CCDC7: variants seen among roughly 807,000 people sequenced by gnomAD.
CCDC7 encodes the protein coiled-coil domain containing 7, also known as coiled-coil domain-containing protein 7.
A neutral mutation model predicts 196.9 loss-of-function variants in CCDC7; 183 were observed. The observed-to-expected ratio is 0.93, with a 90% confidence interval of 0.82 to 1.05. The LOEUF (loss-of-function observed/expected upper bound fraction) is 1.05, where lower values mean the gene tolerates loss of function less well. CCDC7 is among the 50% of genes least tolerant of loss of function. The probability of loss-of-function intolerance (pLI) is 0.00; values close to 1 mark genes in which losing one functional copy is unlikely to be tolerated. For synonymous variants in CCDC7, 525 were observed against 484.6 expected, an observed-to-expected ratio of 1.08 and a Z score of -1.10; for missense variants, 1,540 against 1,482.2, an observed-to-expected ratio of 1.04 and a Z score of -0.64.
At chr10:32,556,342 A>G (rs2054339988) in intron 13 of CCDC7, among the ~76,000 whole-genome samples, 1 of 152,188 alleles carries the variant, frequency 6.6e-6, no homozygotes, top group African/African-American at 2.4e-5. Flanking sequence ...TATCTCATGT[A>G]AAGTTTGAGT....
intron 16 of CCDC7, among the ~76,000 whole-genome samples, chr10:32,578,480 A>G (rs2058438426): frequency 6.6e-6 from 1 of 151,520 alleles, no homozygotes; most frequent in Non-Finnish European, 1.5e-5. Flanking sequence ...GTTTTCCTGC[A>G]ACTAGATGGT....
intron 28 of CCDC7, among the ~76,000 whole-genome samples, chr10:32,755,524 C>A (rs2076286395): frequency 6.6e-6 from 1 of 152,150 alleles, no homozygotes; most frequent in African/African-American, 2.4e-5. Flanking sequence ...TCCAACAGAC[C>A]TGCAGCTGAG....
intron 20 of CCDC7, among the ~76,000 whole-genome samples, chr10:32,637,874 C>G (rs2065940728): frequency 6.6e-6 from 1 of 152,108 alleles, no homozygotes; most frequent in Non-Finnish European, 1.5e-5. Flanking sequence ...ATGGAATGTT[C>G]TTCCATTTAT....
intron 11 of CCDC7, among the ~76,000 whole-genome samples, chr10:32,522,760 T>C (rs1209090548): frequency 6.6e-6 from 1 of 152,112 alleles, no homozygotes; most frequent in Non-Finnish European, 1.5e-5. Context: ...AGGTTATTTA[T>C]GTGAAATTTT....
At chr10:32,630,400 G>T (rs1213559484) in intron 18 of CCDC7, among the ~76,000 whole-genome samples, 1 of 152,060 alleles carries the variant, frequency 6.6e-6, no homozygotes, top group Non-Finnish European at 1.5e-5. Flanking sequence ...TTCTTGGGAA[G>T]AAGCTTGTAA....
chr10:32,686,497 G>A (rs2076481284), intron 22 of CCDC7, among the ~76,000 whole-genome samples: 1 of 152,182 alleles, frequency 6.6e-6, no homozygotes, highest in Non-Finnish European at 1.5e-5. Flanking sequence ...AGGAGCTAAG[G>A]GGAACAATAG....
intron 9 of CCDC7, among the ~76,000 whole-genome samples, chr10:32,510,153 G>C (rs138791359): frequency 3.3e-5 from 5 of 152,136 alleles, no homozygotes; most frequent in African/African-American, 1.2e-4. Flanking sequence ...GATATAATGT[G>C]CCTATGCATA....
chr10:32,630,124 CA>C lies in CCDC7; in HGVS notation c.1802-4129del, dbSNP rs568033001. On this transcript the variant is annotated intron_variant, in intron 18 of 41. Transcript: ENST00000639629. ...TTCTAGGAGAAATCTGAGCTGTTCT[CA>C]GGGGTATTAGTGCTGGGAATGTTCA... Among the ~76,000 whole-genome samples, 49 of 152,214 alleles carry C rather than the reference CA, an allele frequency of 3.2e-4. 1 individual carries two copies. The East Asian group carries it at 7.9e-3, about 25-fold the overall frequency.
intron 21 of CCDC7, among the ~76,000 whole-genome samples, chr10:32,676,057 A>T (rs1408636493): frequency 2.6e-5 from 4 of 151,802 alleles, no homozygotes; most frequent in African/African-American, 9.7e-5. Flanking sequence ...ATGGAACAGA[A>T]CAGAGCCCTC....
chr10:32,669,952 C>T (rs1377789234), intron 21 of CCDC7, among the ~76,000 whole-genome samples: 2 of 152,082 alleles, frequency 1.3e-5, no homozygotes, highest in African/African-American at 2.4e-5. Context: ...TATAATCAGA[C>T]GTTTGCTTGG....
Position 32,726,736 on chromosome 10 carries a change from C to T in CCDC7, c.2572C>T (p.Pro858Ser), listed in dbSNP as rs568604306. The change falls in exon 26 of 42, where the codon CCA becomes TCA. Residue 858 changes from proline to serine, a missense_variant and splice_region_variant. Physicochemically the swap from Pro to Ser is moderately conservative, Grantham distance 74. Coordinates refer to ENST00000639629, the Ensembl canonical transcript of CCDC7. ...TCTTTATGTGGTTCATTTTGTAGTA[C>T]CAGATAAAAATTCTATGTTTGTTCA... 10 of 1,557,776 alleles carry T rather than the reference C, an allele frequency of 6.4e-6. No homozygotes were observed. In the South Asian group the frequency reaches 1.1e-4, roughly 18 times the overall value.
At position 32,816,193 on chromosome 10, in the gene CCDC7, T is replaced by G. The variant is rs556617195; in HGVS notation, c.3181+1740T>G. Among the ~76,000 whole-genome samples, 109 of 152,244 alleles carry G rather than the reference T, an allele frequency of 7.2e-4. 1 individual carries two copies. The highest frequency in any genetic ancestry group is 1.4e-3 in the Admixed American group (22 of 15,284). On this transcript the variant is annotated intron_variant, in intron 31 of 41. Coordinates refer to ENST00000639629, the Ensembl canonical transcript of CCDC7. ...AATGGCACACCAGGAGATTATATCC[T>G]GCGCATGGCTCGGAGGGTCCTGCGC...
At chr10:32,874,753 TAC>T (rs3035173) in intron 41 of CCDC7, among the ~76,000 whole-genome samples, 2,667 of 145,276 alleles carry the variant, frequency 0.018, 26 homozygotes, top group African/African-American at 0.025. Context: ...CCAACATATC[TAC>T]ACACACACAC....
Position 32,718,813 on chromosome 10 carries a change from T to C in CCDC7, c.2569+7083T>C, listed in dbSNP as rs904021722. On this transcript the variant is annotated intron_variant, in intron 25 of 41. Coordinates refer to ENST00000639629, the Ensembl canonical transcript of CCDC7. ...ATAAAATACCTAGGAATACAGCTTA[T>C]GAGGGATGTAAAGGACCTCTTCAAG... Among the ~76,000 whole-genome samples, 6 of 152,026 alleles carry C rather than the reference T, an allele frequency of 3.9e-5. No individual in the cohort carries two copies. The East Asian group carries it at 9.6e-4, about 24-fold the overall frequency.
At chr10:32,464,712 T>C (rs2036387823) in intron 5 of CCDC7, among the ~76,000 whole-genome samples, 1 of 152,078 alleles carries the variant, frequency 6.6e-6, no homozygotes, top group African/African-American at 2.4e-5. Flanking sequence ...GGTTTTGCCA[T>C]GTTGCCCAGG....
intron 28 of CCDC7, among the ~76,000 whole-genome samples, chr10:32,765,395 T>G (rs946808206): frequency 5.3e-5 from 8 of 152,004 alleles, no homozygotes; most frequent in Non-Finnish European, 1.2e-4. Flanking sequence ...TTAGCACAGA[T>G]CTGTCTCACA....
At chr10:32,688,225 T>A (rs2076685516) in intron 22 of CCDC7, among the ~76,000 whole-genome samples, 1 of 152,142 alleles carries the variant, frequency 6.6e-6, no homozygotes, top group Admixed American at 6.5e-5. Flanking sequence ...CTATTCAAGT[T>A]CCTATAAACT....
At chr10:32,474,179 A>G (rs2038502813) in intron 8 of CCDC7, 156 bp downstream of exon 9, 1 of 248,248 alleles carries the variant, frequency 4.0e-6, no homozygotes. Flanking sequence ...TGAAATTCTT[A>G]GTTAAGGATA....
intron 18 of CCDC7, among the ~76,000 whole-genome samples, chr10:32,624,292 G>C (rs1328682676): frequency 6.6e-6 from 1 of 152,074 alleles, no homozygotes; most frequent in Non-Finnish European, 1.5e-5. Flanking sequence ...AGCAGCCAGA[G>C]TGATCTTCTT....
Sources: allele counts gnomAD v4.1 joint callset (sites outside exome capture counted in the v4.1 genomes callset), GRCh38; gene constraint gnomAD v4.1.1; transcripts MANE v1.5; gene names NCBI Gene and HGNC (gene_info 2026-07-23, HGNC 2026-07-21).